MMGT1: variants seen among roughly 807,000 people sequenced by gnomAD.
MMGT1 encodes the protein membrane magnesium transporter 1, also known as ER membrane protein complex subunit 5.
MMGT1 carries 2 observed loss-of-function variants against 11.7 expected under a neutral mutation model. The ratio of observed to expected loss-of-function variants is 0.17; its 90% CI spans 0.07 to 0.54. MMGT1 has a LOEUF of 0.54. MMGT1 is among the 20% of genes least tolerant of loss of function. The probability of loss-of-function intolerance (pLI) is 0.94; values close to 1 mark genes in which losing one functional copy is unlikely to be tolerated. For missense variants in MMGT1, 74 were observed against 109.0 expected (o/e 0.68, Z 1.43); for synonymous variants, 49 against 44.4 (o/e 1.10, Z -0.41).
chrX:135,973,042 GAA>G (rs2089228707), intron 1 of MMGT1, among the ~76,000 whole-genome samples: 2 of 112,381 alleles, frequency 1.8e-5, no homozygotes, highest in Non-Finnish European at 3.8e-5. Context: ...ACCCAAAACT[GAA>G]TTTCATAACG....
At position 135,962,675 on chromosome X, in the gene MMGT1, T is replaced by TA. The variant is rs1569523195; in HGVS notation, c.*2348dup. On this transcript the variant is annotated 3_prime_UTR_variant, in exon 4 of 4. Coordinates refer to ENST00000305963, the MANE Select transcript of MMGT1 (RefSeq NM_173470.3). ...GAGGTATACAAGCTGCTAGCAAAGA[T>TA]AGACACACGTGAAAACCACTTTGTC... 8.9e-6 allele frequency: 1 copy of TA among 112,130 alleles called. No homozygotes were observed. Among genetic ancestry groups the TA allele is most frequent in the East Asian group, 2.8e-4 (1 of 3,583 alleles). 9.2% of individuals were successfully genotyped at this position (112,130 alleles called of 1,213,427 possible). A position where few individuals can be genotyped will look rare whatever the true frequency, so the allele number is the denominator to read the frequency against.
Position 135,961,253 on chromosome X carries a change from AAT to A in MMGT1, c.*3769_*3770del, listed in dbSNP as rs1337961270. 3.6e-5 allele frequency among the ~76,000 whole-genome samples: 4 copies of A among 111,835 alleles called. No individual in the cohort carries two copies. Among genetic ancestry groups the A allele is most frequent in the Non-Finnish European group, 5.7e-5 (3 of 53,097 alleles). ...AGAATACCACACAGCCGCTAAAAAT[AAT>A]GAGGTATTTTTATATATACTGATAC... On this transcript the variant is annotated 3_prime_UTR_variant, in exon 4 of 4. Coordinates refer to ENST00000305963, the MANE Select transcript of MMGT1 (RefSeq NM_173470.3).
In MMGT1 at chrX:135,973,677, A is replaced by T. The variant is rs782254815; in HGVS notation, c.-2T>A. 15 of 1,165,643 alleles carry T rather than the reference A, an allele frequency of 1.3e-5. No individual in the cohort carries two copies. In the South Asian group the frequency reaches 2.9e-4, roughly 22 times the overall value. On this transcript the variant is annotated 5_prime_UTR_variant, in exon 1 of 4. Coordinates refer to ENST00000305963, the MANE Select transcript of MMGT1 (RefSeq NM_173470.3). ...CCCCTTCCACAGCGACGGCGCCATGATGCCGAAGGAGCAGCAGCCCAGCAA... is the reference window on the plus strand; with the variant it reads ...CCCCTTCCACAGCGACGGCGCCATGTTGCCGAAGGAGCAGCAGCCCAGCAA...
intron 2 of MMGT1, among the ~76,000 whole-genome samples, chrX:135,968,194 C>T (rs1260771774): frequency 9.0e-6 from 1 of 111,620 alleles, no homozygotes; most frequent in Non-Finnish European, 1.9e-5. Flanking sequence ...AGCATATGTA[C>T]ACAGCATAAA....
Position 135,964,944 on chromosome X carries a change from G to A in MMGT1, c.*80C>T. On this transcript the variant is annotated 3_prime_UTR_variant, in exon 4 of 4. Coordinates refer to ENST00000305963, the MANE Select transcript of MMGT1 (RefSeq NM_173470.3). Reference sequence around the variant, plus strand: ...AAAGATCAATATAAATACTAATGGGGGCAGGGAGGAGTGTTTTATACCCCA... The same window carrying A: ...AAAGATCAATATAAATACTAATGGGAGCAGGGAGGAGTGTTTTATACCCCA... 2 of 872,160 alleles carry A rather than the reference G, an allele frequency of 2.3e-6. No homozygotes were observed. Among genetic ancestry groups the A allele is most frequent in the African/African-American group, 4.0e-5 (2 of 50,342 alleles). The allele number at this position is 872,160 out of a possible 1,213,427, so 71.9% of individuals were successfully genotyped here. A position where few individuals can be genotyped will look rare whatever the true frequency, so the allele number is the denominator to read the frequency against.
Position 135,973,988 on chromosome X carries a change from G to A in MMGT1, c.-313C>T. 1.0e-6 allele frequency: 1 copy of A among 954,828 alleles called. No homozygotes were observed. The highest frequency in any genetic ancestry group is 1.4e-6 in the Non-Finnish European group (1 of 719,634). 78.7% of individuals were successfully genotyped at this position (954,828 alleles called of 1,213,427 possible). A position where few individuals can be genotyped will look rare whatever the true frequency, so the allele number is the denominator to read the frequency against. On this transcript the variant is annotated 5_prime_UTR_variant, in exon 1 of 4. Coordinates refer to ENST00000305963, the MANE Select transcript of MMGT1 (RefSeq NM_173470.3). ...AGCGGGAGCTACGGGGAAGCGAAGA[G>A]GAAGGGCGCCGGCAAATGGGGGCAG...
rs182900593 is a variant in MMGT1, at chrX:135,963,224, G to A, written c.*1800C>T. 1.1e-4 allele frequency: 12 copies of A among 111,153 alleles called. No homozygotes were observed. The East Asian group carries it at 2.8e-3, about 26-fold the overall frequency. The allele number at this position is 111,153 out of a possible 1,213,427, so 9.2% of individuals were successfully genotyped here. On this transcript the variant is annotated 3_prime_UTR_variant, in exon 4 of 4. Transcript: ENST00000305963. ...ATGTTCTAAAATTGACTGTGGTCAC[G>A]GTTACACAACTTTGTGAATACACTA...
In MMGT1 at chrX:135,962,265, T is replaced by C. The variant is rs1033738482; in HGVS notation, c.*2759A>G. The C allele has an allele frequency of 9.0e-6, 1 of 111,662 alleles. No homozygotes were observed. The allele number at this position is 111,662 out of a possible 1,213,427, so 9.2% of individuals were successfully genotyped here. On this transcript the variant is annotated 3_prime_UTR_variant, in exon 4 of 4. Transcript: ENST00000305963. ...TCAAGCCACTGAGAAGCCACAATGC[T>C]TAGAAAACAATCATTAGGGAGTTAC... is the stretch of plus-strand genomic sequence containing the variant.
chrX:135,973,806 G>T lies in MMGT1; in HGVS notation c.-131C>A. On this transcript the variant is annotated 5_prime_UTR_variant, in exon 1 of 4. Coordinates refer to ENST00000305963, the MANE Select transcript of MMGT1 (RefSeq NM_173470.3). ...GTCCTGAGCGCAAAGTGTCTCAGTG[G>T]TGGAAAAGCCAGAGGGCTGTGAGAA... is the stretch of plus-strand genomic sequence containing the variant. 8.6e-7 allele frequency: 1 copy of T among 1,164,907 alleles called. No individual in the cohort carries two copies. The highest frequency in any genetic ancestry group is 1.1e-6 in the Non-Finnish European group (1 of 872,206).
intron 1 of MMGT1, among the ~76,000 whole-genome samples, chrX:135,972,746 C>T (rs1233506430): frequency 8.9e-6 from 1 of 111,984 alleles, no homozygotes; most frequent in Non-Finnish European, 1.9e-5. Flanking sequence ...AACCCAGATT[C>T]TGATTGAACA....
At chrX:135,970,228 G>T in intron 2 of MMGT1, among the ~76,000 whole-genome samples, 1 of 110,052 alleles carries the variant, frequency 9.1e-6, no homozygotes, top group Non-Finnish European at 1.9e-5. Flanking sequence ...TTAGCTGGGC[G>T]TGGTGGTGGG....
At chrX:135,970,074 C>T (rs1229066003) in intron 2 of MMGT1, among the ~76,000 whole-genome samples, 1 of 111,937 alleles carries the variant, frequency 8.9e-6, no homozygotes, top group Non-Finnish European at 1.9e-5. Flanking sequence ...TTTTAAAAAA[C>T]ACTTTCCTGG....
At position 135,973,778 on chromosome X, in the gene MMGT1, GA is replaced by G; in HGVS notation, c.-104del. ...CGCGCCGCAGAAAGATGACGTCACT[GA>G]AGTCCTGAGCGCAAAGTGTCTCAGT... On this transcript the variant is annotated 5_prime_UTR_variant, in exon 1 of 4. It introduces an in-frame stop codon into an upstream open reading frame of the 5' UTR. Transcript: ENST00000305963. 1 of 1,165,698 alleles carries G rather than the reference GA, an allele frequency of 8.6e-7. No individual in the cohort carries two copies. The highest frequency in any genetic ancestry group is 1.1e-6 in the Non-Finnish European group (1 of 872,557).
At chrX:135,971,001 C>T (rs1008764109) in intron 2 of MMGT1, 57 bp downstream of exon 2, 35 of 819,561 alleles carry the variant, frequency 4.3e-5, no homozygotes, top group Admixed American at 4.0e-4. Flanking sequence ...AAAATTATTA[C>T]AAGCTATGTG....
At chrX:135,966,526 C>T (rs1556611970) in intron 3 of MMGT1, among the ~76,000 whole-genome samples, 1 of 111,911 alleles carries the variant, frequency 8.9e-6, no homozygotes, top group Admixed American at 9.5e-5. Flanking sequence ...ACTTAGGAGG[C>T]AGAGGTTGCA....
At chrX:135,968,150 C>T (rs1418427909) in intron 2 of MMGT1, among the ~76,000 whole-genome samples, 5 of 111,993 alleles carry the variant, frequency 4.5e-5, no homozygotes, top group Admixed American at 9.4e-5. Flanking sequence ...CCACACCCAG[C>T]CAGTATTATT....
At chrX:135,969,164 G>GTGTA (rs1229805866) in intron 2 of MMGT1, among the ~76,000 whole-genome samples, 1 of 110,105 alleles carries the variant, frequency 9.1e-6, no homozygotes, top group Non-Finnish European at 1.9e-5. Context: ...GTGTGTGTGT[G>GTGTA]TGTGTGTATC....
In MMGT1 at chrX:135,973,615, C is replaced by T; in HGVS notation, c.61G>A (p.Ala21Thr). 1 of 1,166,355 alleles carries T rather than the reference C, an allele frequency of 8.6e-7. No individual in the cohort carries two copies. Among genetic ancestry groups the T allele is most frequent in the Non-Finnish European group, 1.1e-6 (1 of 872,214 alleles). The change falls in exon 1 of 4, where the codon GCC becomes ACC. Residue 21 changes from alanine to threonine, a missense_variant. Physicochemically the swap from Ala to Thr is moderately conservative, Grantham distance 58. Around this residue, in one of 2 missense-constraint regions of MMGT1, gnomAD observed 40 missense variants for 79.6 expected, o/e 0.50. Transcript: ENST00000305963. ...GIGLFALAHA[A>T]FSAAQHRSYM... ...CACTTACGCTGCGCAGCGGAAAAGG[C>T]GGCGTGGGCTAGGGCAAAGAGACCG... is the stretch of plus-strand genomic sequence containing the variant.
At chrX:135,970,311 G>C (rs1483988981) in intron 2 of MMGT1, among the ~76,000 whole-genome samples, 1 of 110,422 alleles carries the variant, frequency 9.1e-6, no homozygotes, top group African/African-American at 3.3e-5. Context: ...AGGTTGCAAC[G>C]AGCCCAGATC....
Sources: gnomAD v4.1 joint callset for allele counts (sites outside exome capture counted in the v4.1 genomes callset) on GRCh38, gnomAD v4.1.1 for gene constraint, gnomAD v4.1.1 regional missense constraint, MANE v1.5 for transcripts, NCBI Gene and HGNC (gene_info 2026-07-23, HGNC 2026-07-21) for gene names.